Variants in GPRC5C observed in about 807,000 individuals in gnomAD.
GPRC5C encodes G protein-coupled receptor family C group 5 member C.
Under a neutral mutation model 31.4 loss-of-function variants are expected in GPRC5C, and 22 were observed. The ratio of observed to expected loss-of-function variants is 0.70; its 90% CI spans 0.50 to 1.00. GPRC5C has a LOEUF of 1.00. Among genes scored for constraint, GPRC5C ranks in the 50% least tolerant of loss-of-function variants. The probability of loss-of-function intolerance (pLI) is 0.00; values close to 1 mark genes in which losing one functional copy is unlikely to be tolerated. For missense variants in GPRC5C, 557 were observed against 597.2 expected, an observed-to-expected ratio of 0.93 and a Z score of 0.70; for synonymous variants, 249 against 257.5, an observed-to-expected ratio of 0.97 and a Z score of 0.32.
intron 1 of GPRC5C, among the ~76,000 whole-genome samples, chr17:74,438,637 A>AGGTG (rs1393450625): frequency 2.0e-5 from 3 of 151,930 alleles, no homozygotes; most frequent in African/African-American, 7.3e-5. Flanking sequence ...GGACTCTAGC[A>AGGTG]ATCTGTTCAC....
In GPRC5C at chr17:74,447,151, G is replaced by A. The variant is rs933736444; in HGVS notation, c.*123G>A. ...CCCAGCAACATGTGCCCCAGATCTG[G>A]AAGGGCCTCCCTCTCTGCCAGTGTT... On this transcript the variant is annotated 3_prime_UTR_variant, in exon 4 of 4. Transcript: ENST00000392627. 3.7e-5 allele frequency: 54 copies of A among 1,467,838 alleles called. No homozygotes were observed. The African/African-American group carries it at 6.8e-4, about 18-fold the overall frequency. 90.9% of individuals were successfully genotyped at this position (1,467,838 alleles called of 1,614,324 possible).
rs1161562087 is a variant in GPRC5C, at chr17:74,440,800, G to T, written c.1024G>T (p.Ala342Ser). 5.3e-6 allele frequency: 8 copies of T among 1,509,108 alleles called. No individual in the cohort carries two copies. Among genetic ancestry groups the T allele is most frequent in the Non-Finnish European group, 7.1e-6 (8 of 1,122,682 alleles). The allele number at this position is 1,509,108 out of a possible 1,614,324, so 93.5% of individuals were successfully genotyped here. A position where few individuals can be genotyped will look rare whatever the true frequency, so the allele number is the denominator to read the frequency against. ...TCAGAGCATGTTCGTGGAGAACAAG[G>T]CCTTTTCCATGGATGAGCCGGTTGC... is the stretch of plus-strand genomic sequence containing the variant. ...KGQSMFVENK[A>S]FSMDEPVAAK... The change falls in exon 2 of 4, where the codon GCC becomes TCC. Residue 342 changes from alanine (A) to serine (S), a missense_variant. Physicochemically the swap from Ala to Ser is moderately conservative, Grantham distance 99. Transcript: ENST00000392627. This position sits in a 1 kb window ranked among gnomAD's most constrained non-coding sequence, Gnocchi z 4.4.
In GPRC5C at chr17:74,439,819, C is replaced by G. The variant is rs144944651; in HGVS notation, c.43C>G (p.Leu15Val). 1 of 1,613,750 alleles carries G rather than the reference C, an allele frequency of 6.2e-7. No homozygotes were observed. The highest frequency in any genetic ancestry group is 8.5e-7 in the Non-Finnish European group (1 of 1,179,986). The change falls in exon 2 of 4, where the codon CTC becomes GTC. Residue 15 changes from leucine (L) to valine (V), a missense_variant. Transcript: ENST00000392627. ...CTTGGTGATGTGCCTGGGACTGCCT[C>G]TCTTCCTGTTCCCAGGGGCCTGGGC... ...KALVMCLGLPLFLFPGAWAQG... is the reference protein window; with the variant it reads ...KALVMCLGLPVFLFPGAWAQG...
intron 1 of GPRC5C, among the ~76,000 whole-genome samples, chr17:74,434,294 T>G: frequency 6.6e-6 from 1 of 152,234 alleles, no homozygotes; most frequent in Middle Eastern, 3.4e-3. Context: ...CTGAGAATCT[T>G]TAAGCAGAAG....
At position 74,440,594 on chromosome 17, in the gene GPRC5C, C is replaced by T. The variant is rs2055518178; in HGVS notation, c.818C>T (p.Pro273Leu). 3 of 1,613,124 alleles carry T rather than the reference C, an allele frequency of 1.9e-6. No individual in the cohort carries two copies. The highest frequency in any genetic ancestry group is 1.3e-5 in the African/African-American group (1 of 74,910). Residue 273 changes from proline to leucine, a missense_variant, in exon 2 of 4, where the codon CCC becomes CTC. Pro to Leu is a moderately conservative substitution (Grantham distance 98). Coordinates refer to ENST00000392627, the MANE Select transcript of GPRC5C (RefSeq NM_022036.4). This position sits in a 1 kb window ranked among gnomAD's most constrained non-coding sequence, Gnocchi z 4.4. ...TACGGCAACAAGCAGCACAACAGTC[C>T]CACCTGGGATGACCCCACGCTGGCC... ...YTYGNKQHNS[P>L]TWDDPTLAIA...
intron 1 of GPRC5C, among the ~76,000 whole-genome samples, chr17:74,433,291 TG>T (rs2055383280): frequency 6.6e-6 from 1 of 150,814 alleles, no homozygotes; most frequent in Admixed American, 6.6e-5. Context: ...CATTGGGGGG[TG>T]GGGCGCATTC....
At chr17:74,449,052 A>G (rs549589063), downstream of GPRC5C, 7 of 426,000 alleles carry the variant, frequency 1.6e-5, no homozygotes, top group Non-Finnish European at 3.0e-5. Context: ...AGGCTTGGGA[A>G]TGTTTCTCCC....
chr17:74,433,133 G>A (rs1042173217), intron 1 of GPRC5C, among the ~76,000 whole-genome samples: 1 of 152,078 alleles, frequency 6.6e-6, no homozygotes, highest in African/African-American at 2.4e-5. Flanking sequence ...GTTACACGCT[G>A]GAAGACCCAA....
chr17:74,436,766 T>C (rs1007377400), intron 1 of GPRC5C, among the ~76,000 whole-genome samples: 3 of 152,186 alleles, frequency 2.0e-5, no homozygotes, highest in Admixed American at 2.0e-4. Context: ...TAAGTGGCAG[T>C]TCTGAGGGTT....
chr17:74,448,901 C>T (rs937031867), downstream of GPRC5C: 8 of 1,289,688 alleles, frequency 6.2e-6, no homozygotes, highest in African/African-American at 4.5e-5. Context: ...AGCCTCTCTC[C>T]GTGGCCCACC....
chr17:74,440,593 C>A lies in GPRC5C; in HGVS notation c.817C>A (p.Pro273Thr). 1 of 1,614,026 alleles carries A rather than the reference C, an allele frequency of 6.2e-7. No individual in the cohort carries two copies. Among genetic ancestry groups the A allele is most frequent in the Non-Finnish European group, 8.5e-7 (1 of 1,179,878 alleles). The change falls in exon 2 of 4, where the codon CCC becomes ACC. Residue 273 changes from proline to threonine, a missense_variant. Transcript: ENST00000392627. The surrounding 1 kb of genome is among the most constrained non-coding windows in gnomAD (Gnocchi z 4.4). The part of the protein sequence containing the change: ...YTYGNKQHNS[P>T]TWDDPTLAIA... ...TTACGGCAACAAGCAGCACAACAGTCCCACCTGGGATGACCCCACGCTGGC... is the reference window on the plus strand; with the variant it reads ...TTACGGCAACAAGCAGCACAACAGTACCACCTGGGATGACCCCACGCTGGC...
In GPRC5C at chr17:74,440,844, G is replaced by T; in HGVS notation, c.1051+17G>T. 2 of 1,455,368 alleles carry T rather than the reference G, an allele frequency of 1.4e-6. No individual in the cohort carries two copies. Among genetic ancestry groups the T allele is most frequent in the Non-Finnish European group, 1.8e-6 (2 of 1,097,976 alleles). 90.2% of individuals were successfully genotyped at this position (1,455,368 alleles called of 1,614,324 possible). On this transcript the variant is annotated intron_variant, in intron 2 of 3. Transcript: ENST00000392627. The surrounding 1 kb of genome is among the most constrained non-coding windows in gnomAD (Gnocchi z 4.4). ...CGGTTGCAGGTGGGTCTCTGTGGAT[G>T]CCCCCAGTGGCCCCTTTCTCCATCC...
At chr17:74,433,945 T>C (rs571122282) in intron 1 of GPRC5C, among the ~76,000 whole-genome samples, 1 of 152,230 alleles carries the variant, frequency 6.6e-6, no homozygotes, top group South Asian at 2.1e-4. Context: ...AAGCCACTTG[T>C]TGCTGGGGGA....
intron 1 of GPRC5C, among the ~76,000 whole-genome samples, chr17:74,433,451 A>AC (rs1047162249): frequency 7.9e-5 from 12 of 151,762 alleles, no homozygotes; most frequent in Non-Finnish European, 1.2e-4. Flanking sequence ...ACCCCAACCC[A>AC]CCCCCCACCA....
At chr17:74,434,513 A>G (rs192276364) in intron 1 of GPRC5C, among the ~76,000 whole-genome samples, 95 of 152,324 alleles carry the variant, frequency 6.2e-4, no homozygotes, top group Non-Finnish European at 1.0e-3. Context: ...CAGAAGGCTC[A>G]GTCTTAGTGC....
rs1239565542 is a variant in GPRC5C, at chr17:74,432,213, C to T, written c.-33+72C>T. 9 of 1,557,090 alleles carry T rather than the reference C, an allele frequency of 5.8e-6. No individual in the cohort carries two copies. The African/African-American group carries it at 8.2e-5, about 14-fold the overall frequency. On this transcript the variant is annotated intron_variant, in intron 1 of 3. Transcript: ENST00000392627. ...CGGAGCGCACGTACCTGGAGCGCGGCGGGCGCCCGATTAGCGCCCTGAATG... is the reference window on the plus strand; with the variant it reads ...CGGAGCGCACGTACCTGGAGCGCGGTGGGCGCCCGATTAGCGCCCTGAATG...
At position 74,447,420 on chromosome 17, in the gene GPRC5C, G is replaced by A; in HGVS notation, c.*392G>A. On this transcript the variant is annotated 3_prime_UTR_variant, in exon 4 of 4. Coordinates refer to ENST00000392627, the MANE Select transcript of GPRC5C (RefSeq NM_022036.4). ...AAGGGTGCCTAATAAATACATTTCT[G>A]CTTTATTAACTCTTGCTCTGGGATT... The A allele has an allele frequency of 1.1e-6, 1 of 932,324 alleles. No individual in the cohort carries two copies. The highest frequency in any genetic ancestry group is 1.3e-6 in the Non-Finnish European group (1 of 778,692). The allele number at this position is 932,324 out of a possible 1,614,324, so 57.8% of individuals were successfully genotyped here.
At chr17:74,434,459 A>G (rs2055402256) in intron 1 of GPRC5C, among the ~76,000 whole-genome samples, 1 of 152,202 alleles carries the variant, frequency 6.6e-6, no homozygotes, top group Admixed American at 6.5e-5. Flanking sequence ...AAGACCTTAC[A>G]GCCCTGGAGG....
At chr17:74,442,896 C>T (rs1404887248) in intron 2 of GPRC5C, among the ~76,000 whole-genome samples, 2 of 151,984 alleles carry the variant, frequency 1.3e-5, no homozygotes, top group East Asian at 3.9e-4. Flanking sequence ...TGGGAGGAGC[C>T]TCAGGCCCCG....
Sources: gnomAD v4.1 joint callset for allele counts (sites outside exome capture counted in the v4.1 genomes callset) on GRCh38, gnomAD v4.1.1 for gene constraint, Gnocchi (gnomAD v3.1) non-coding constraint, MANE v1.5 for transcripts, NCBI Gene and HGNC (gene_info 2026-07-23, HGNC 2026-07-21) for gene names.